ST6GAL1: variants seen among roughly 807,000 people sequenced by gnomAD.
ST6GAL1 encodes the protein ST6 beta-galactoside alpha-2,6-sialyltransferase 1.
Under a neutral mutation model 38.0 loss-of-function variants are expected in ST6GAL1, and 20 were observed. The observed-to-expected ratio is 0.53, with a 90% CI of 0.37 to 0.77. ST6GAL1 has a LOEUF of 0.77. Ranked by LOEUF, ST6GAL1 falls within the 30% of genes least tolerant of loss-of-function variation. The pLI, the probability that ST6GAL1 is intolerant of heterozygous loss-of-function variation, is 0.00. For missense variants in ST6GAL1, 432 were observed against 496.4 expected, an observed-to-expected ratio of 0.87 and a Z score of 1.23; for synonymous variants, 196 against 188.2, an observed-to-expected ratio of 1.04 and a Z score of -0.34.
chr3:187,013,384 C>T (rs1268909363), intron 2 of ST6GAL1, among the ~76,000 whole-genome samples: 1 of 152,132 alleles, frequency 6.6e-6, no homozygotes, highest in Non-Finnish European at 1.5e-5. Context: ...AGATAAGTGA[C>T]TTTTCTGAGG....
intron 2 of ST6GAL1, among the ~76,000 whole-genome samples, chr3:187,011,256 C>T (rs1212426516): frequency 3.3e-5 from 5 of 152,202 alleles, no homozygotes; most frequent in African/African-American, 9.6e-5. Flanking sequence ...ACTTCGGCCT[C>T]CCAAAGTGCT....
chr3:186,962,195 G>A (rs1560143113), intron 1 of ST6GAL1, among the ~76,000 whole-genome samples: 1 of 152,170 alleles, frequency 6.6e-6, no homozygotes, highest in Non-Finnish European at 1.5e-5. Flanking sequence ...CTTCAGTTCT[G>A]TCTATCAGCA....
chr3:187,076,172 C>G lies in ST6GAL1; in HGVS notation c.*369C>G, dbSNP rs568634735. The G allele has an allele frequency of 1.1e-4, 26 of 226,924 alleles. No homozygotes were observed. The South Asian group carries it at 2.3e-3, about 20-fold the overall frequency. The allele number at this position is 226,924 out of a possible 1,614,324, so 14.1% of individuals were successfully genotyped here. ...GATGCCATTCTCACAAACCAATGCT[C>G]TATATTGCTTGAAGTCTGCATCTAA... is the stretch of plus-strand genomic sequence containing the variant. On this transcript the variant is annotated 3_prime_UTR_variant, in exon 8 of 8. Coordinates refer to ENST00000169298, the MANE Select transcript of ST6GAL1 (RefSeq NM_173216.2).
Position 187,078,382 on chromosome 3 carries a change from T to G in ST6GAL1, c.*2579T>G, listed in dbSNP as rs1719631955. On this transcript the variant is annotated 3_prime_UTR_variant, in exon 8 of 8. Coordinates refer to ENST00000169298, the MANE Select transcript of ST6GAL1 (RefSeq NM_173216.2). ...GTCTATGGGGTTCTGTCTTCTTTGA[T>G]AGCCATCTATTCATCTGGATCATGG... 1 of 152,204 alleles carries G rather than the reference T, an allele frequency of 6.6e-6. No homozygotes were observed. Among genetic ancestry groups the G allele is most frequent in the African/African-American group, 2.4e-5 (1 of 41,454 alleles). 9.4% of individuals were successfully genotyped at this position (152,204 alleles called of 1,614,324 possible).
chr3:187,058,609 A>G (rs930232558), intron 5 of ST6GAL1, among the ~76,000 whole-genome samples: 1 of 148,036 alleles, frequency 6.8e-6, no homozygotes, highest in African/African-American at 2.6e-5. Context: ...GTTCAAATTT[A>G]TATTTTGGCT....
chr3:187,000,116 T>C (rs1172471980), intron 2 of ST6GAL1, among the ~76,000 whole-genome samples: 1 of 152,182 alleles, frequency 6.6e-6, no homozygotes, highest in Non-Finnish European at 1.5e-5. Flanking sequence ...GCATGAGTCA[T>C]GGTGCCCAGC....
At chr3:187,019,037 A>G (rs1174512803) in intron 2 of ST6GAL1, among the ~76,000 whole-genome samples, 1 of 152,120 alleles carries the variant, frequency 6.6e-6, no homozygotes, top group African/African-American at 2.4e-5. Context: ...TGGCAATCTC[A>G]TGCCATTCAG....
chr3:186,978,467 C>T (rs1297184878), intron 2 of ST6GAL1, among the ~76,000 whole-genome samples: 1 of 152,102 alleles, frequency 6.6e-6, no homozygotes, highest in Non-Finnish European at 1.5e-5. Context: ...CCTGGTGTTC[C>T]AGGAGGGACT....
rs1560155516 is a variant in ST6GAL1, at chr3:186,995,523, A to AAAT, written c.-183+31599_-183+31600insTAA. The stretch of plus-strand genomic sequence containing the variant: ...ACCATCTCAAAAAAAAAATAATAAT[A>AAAT]AAATAAAAAAAAAATAAAGAAATTG... On this transcript the variant is annotated intron_variant, in intron 2 of 7. Transcript: ENST00000169298. 7.0e-4 allele frequency among the ~76,000 whole-genome samples: 44 copies of AAAT among 63,266 alleles called. 3 individuals carry two copies. The highest frequency in any genetic ancestry group is 2.9e-3 in the African/African-American group (41 of 14,360). 41.5% of individuals were successfully genotyped at this position (63,266 alleles called of 152,430 possible).
chr3:186,994,856 G>T (rs531783246), intron 2 of ST6GAL1, among the ~76,000 whole-genome samples: 5 of 151,784 alleles, frequency 3.3e-5, no homozygotes, highest in African/African-American at 1.2e-4. Context: ...CAGGGGAATC[G>T]CTTGAACCCA....
At chr3:187,008,343 A>AAGAG (rs1359732982) in intron 2 of ST6GAL1, among the ~76,000 whole-genome samples, 2 of 151,736 alleles carry the variant, frequency 1.3e-5, no homozygotes, top group Non-Finnish European at 2.9e-5. Context: ...GGACTCAAGA[A>AAGAG]AGAGAGAAAG....
At chr3:187,070,831 C>A (rs1313535516) in intron 5 of ST6GAL1, among the ~76,000 whole-genome samples, 1 of 152,198 alleles carries the variant, frequency 6.6e-6, no homozygotes, top group Non-Finnish European at 1.5e-5. Context: ...CTGTGACCTC[C>A]TGGAGGGCAG....
intron 2 of ST6GAL1, among the ~76,000 whole-genome samples, chr3:186,992,439 C>G (rs1560154076): frequency 6.6e-6 from 1 of 152,140 alleles, no homozygotes; most frequent in Non-Finnish European, 1.5e-5. Flanking sequence ...TCCGGCAGTT[C>G]TCACACAGAA....
At chr3:187,039,112 T>C (rs2108577676) in intron 3 of ST6GAL1, among the ~76,000 whole-genome samples, 1 of 152,344 alleles carries the variant, frequency 6.6e-6, no homozygotes, top group East Asian at 1.9e-4. Context: ...AGTTATTCTG[T>C]ATTTCAGTCA....
rs1298990544 is a variant in ST6GAL1 at position 187,047,554 on chromosome 3, C to T, written c.608-3695C>T. ...AGTGATGCATTTATTTTTTCTTCTC[C>T]TAATTTGCCTCTTTTTCTGAGCTCT... On this transcript the variant is annotated intron_variant, in intron 4 of 7. Coordinates refer to ENST00000169298, the MANE Select transcript of ST6GAL1 (RefSeq NM_173216.2). Among the ~76,000 whole-genome samples the T allele has an allele frequency of 2.6e-5, 4 of 151,982 alleles. No homozygotes were observed. The East Asian group carries it at 7.7e-4, about 29-fold the overall frequency.
chr3:187,024,414 T>TAC (rs1385347067), intron 2 of ST6GAL1, among the ~76,000 whole-genome samples: 5 of 136,676 alleles, frequency 3.7e-5, no homozygotes, highest in Non-Finnish European at 7.7e-5. Flanking sequence ...TATATATATA[T>TAC]ACACACACAC....
In ST6GAL1 at chr3:187,072,868, G is replaced by A. The variant is rs371896958; in HGVS notation, c.725G>A (p.Arg242His). ...MNSQLVTTEK[R>H]FLKDSLYNEG... ...CTGCAGTTGGTTACCACAGAGAAGCGCTTCCTCAAAGACAGTTTGTACAAT... is the reference window on the plus strand; with the variant it reads ...CTGCAGTTGGTTACCACAGAGAAGCACTTCCTCAAAGACAGTTTGTACAAT... Residue 242 changes from arginine (R) to histidine (H), a missense_variant, in exon 6 of 8, where the codon CGC becomes CAC. Physicochemically the swap from Arg to His is conservative, Grantham distance 29. Transcript: ENST00000169298. The A allele has an allele frequency of 1.3e-5, 21 of 1,613,762 alleles. No individual in the cohort carries two copies. Among genetic ancestry groups the A allele is most frequent in the Admixed American group, 6.7e-5 (4 of 59,998 alleles).
At chr3:187,054,654 A>T (rs2108589369) in intron 5 of ST6GAL1, among the ~76,000 whole-genome samples, 1 of 152,224 alleles carries the variant, frequency 6.6e-6, no homozygotes, top group Admixed American at 6.5e-5. Flanking sequence ...AAGCTGACTT[A>T]ATCGTGGTGG....
chr3:187,025,697 A>AC (rs1579333712), intron 2 of ST6GAL1, among the ~76,000 whole-genome samples: 1 of 152,222 alleles, frequency 6.6e-6, no homozygotes, highest in East Asian at 1.9e-4. Context: ...AAGGGTGAAG[A>AC]CAGTAGCAAA....
Sources: allele counts gnomAD v4.1 joint callset (sites outside exome capture counted in the v4.1 genomes callset), GRCh38; gene constraint gnomAD v4.1.1; transcripts MANE v1.5; gene names NCBI Gene and HGNC (gene_info 2026-07-23, HGNC 2026-07-21).